Variants in ZDHHC13 observed in about 807,000 individuals in gnomAD.
The protein encoded by ZDHHC13 is palmitoyltransferase ZDHHC13.
In ZDHHC13, 85 loss-of-function variants were observed where a neutral mutation model predicts 86.0. The ratio of observed to expected loss-of-function variants is 0.99; its 90% CI spans 0.83 to 1.18. The LOEUF (loss-of-function observed/expected upper bound fraction) is 1.18. ZDHHC13 is among the 50% of genes most tolerant of loss of function. The probability of loss-of-function intolerance (pLI) is 0.00; values close to 1 mark genes in which losing one functional copy is unlikely to be tolerated. For missense variants in ZDHHC13, 711 were observed against 730.2 expected, an observed-to-expected ratio of 0.97 and a Z score of 0.30; for synonymous variants, 263 against 246.4, an observed-to-expected ratio of 1.07 and a Z score of -0.63.
intron 2 of ZDHHC13, among the ~76,000 whole-genome samples, chr11:19,145,006 G>A (rs1849421272): frequency 6.6e-6 from 1 of 152,096 alleles, no homozygotes; most frequent in Non-Finnish European, 1.5e-5. Context: ...CTACCTGGGA[G>A]GCTGAGGCAG....
At chr11:19,137,479 C>G (rs1423064028) in intron 1 of ZDHHC13, among the ~76,000 whole-genome samples, 2 of 151,688 alleles carry the variant, frequency 1.3e-5, no homozygotes, top group Non-Finnish European at 2.9e-5. Flanking sequence ...GAGACTTTAA[C>G]ACCCCACTGT....
chr11:19,134,049 T>G (rs1849069034), intron 1 of ZDHHC13, among the ~76,000 whole-genome samples: 1 of 151,618 alleles, frequency 6.6e-6, no homozygotes, highest in Non-Finnish European at 1.5e-5. Context: ...GAGGACAGTT[T>G]CAGAAAGGAA....
chr11:19,129,187 T>C (rs1848938433), intron 1 of ZDHHC13, among the ~76,000 whole-genome samples: 1 of 152,246 alleles, frequency 6.6e-6, no homozygotes, highest in Non-Finnish European at 1.5e-5. Context: ...ATGCATATGA[T>C]CATGTTTTTG....
chr11:19,152,519 T>G, intron 7 of ZDHHC13, 40 bp from the exon 8 acceptor site: 2 of 1,529,024 alleles, frequency 1.3e-6, no homozygotes, highest in Non-Finnish European at 1.8e-6. Context: ...CATAATATAT[T>G]AAAAATACTT....
At chr11:19,161,066 A>G (rs1849897691) in intron 10 of ZDHHC13, among the ~76,000 whole-genome samples, 1 of 151,948 alleles carries the variant, frequency 6.6e-6, no homozygotes, top group South Asian at 2.1e-4. Context: ...CACCATCAGA[A>G]TAATGTTCTT....
At position 19,176,370 on chromosome 11, in the gene ZDHHC13, A is replaced by G. The variant is rs1850364129; in HGVS notation, c.*410A>G. 1 of 153,076 alleles carries G rather than the reference A, an allele frequency of 6.5e-6. No individual in the cohort carries two copies. Among genetic ancestry groups the G allele is most frequent in the African/African-American group, 2.4e-5 (1 of 41,448 alleles). The allele number at this position is 153,076 out of a possible 1,614,324, so 9.5% of individuals were successfully genotyped here. ...AAATATGTAAAAAATATTTAAATAG[A>G]TGTACCTGTTTTGCTTTCACACTTA... is the stretch of plus-strand genomic sequence containing the variant. On this transcript the variant is annotated 3_prime_UTR_variant, in exon 17 of 17. Transcript: ENST00000446113.
chr11:19,175,904 TCACAGTA>T lies in ZDHHC13; in HGVS notation c.1817_1823del (p.Gln606ProfsTer37), dbSNP rs2133497084. 6.2e-7 allele frequency: 1 copy of T among 1,613,658 alleles called. No individual in the cohort carries two copies. Among genetic ancestry groups the T allele is most frequent in the East Asian group, 2.2e-5 (1 of 44,866 alleles). The stretch of plus-strand genomic sequence containing the variant: ...GAAGCCCTGTGTGGTAGATTGGACA[TCACAGTA>T]CACCATGGTCTTTCACCCAGCCAGG... On this transcript the variant is annotated frameshift_variant, in exon 17 of 17. Transcript: ENST00000446113. LOFTEE classifies it high-confidence loss of function.
At chr11:19,167,141 CT>C (rs1356420023) in intron 14 of ZDHHC13, 1 of 152,130 alleles carries the variant, frequency 6.6e-6, no homozygotes, top group Admixed American at 6.5e-5. Context: ...TTTATTTGGA[CT>C]TTAACTGTTT....
intron 16 of ZDHHC13, among the ~76,000 whole-genome samples, chr11:19,173,599 T>TA (rs1462215896): frequency 6.6e-6 from 1 of 152,182 alleles, no homozygotes; most frequent in South Asian, 2.1e-4. Flanking sequence ...GACTGGGATA[T>TA]AACTACAATG....
chr11:19,120,042 AC>A (rs1848729444), intron 1 of ZDHHC13, among the ~76,000 whole-genome samples: 1 of 152,234 alleles, frequency 6.6e-6, no homozygotes, highest in South Asian at 2.1e-4. Context: ...GCCCACTGTA[AC>A]TTTAACAATT....
intron 15 of ZDHHC13, among the ~76,000 whole-genome samples, chr11:19,172,261 C>CG (rs1270323763): frequency 2.6e-5 from 4 of 152,074 alleles, no homozygotes; most frequent in Middle Eastern, 3.4e-3. Flanking sequence ...TTAGTGGAGA[C>CG]GGGGTTTCAC....
At chr11:19,170,127 G>A (rs1850179202) in intron 14 of ZDHHC13, 1 of 1,232,108 alleles carries the variant, frequency 8.1e-7, no homozygotes. Context: ...TATATCTTAT[G>A]CTGAATGCTG....
At chr11:19,170,183 G>A in intron 14 of ZDHHC13, 3 of 1,330,760 alleles carry the variant, frequency 2.3e-6, no homozygotes, top group Non-Finnish European at 2.9e-6. Flanking sequence ...TTCCTTCACT[G>A]TTAACTACTT....
chr11:19,134,401 T>C (rs1345322382), intron 1 of ZDHHC13, among the ~76,000 whole-genome samples: 2 of 151,886 alleles, frequency 1.3e-5, no homozygotes, highest in Non-Finnish European at 2.9e-5. Flanking sequence ...TAAATATACA[T>C]GTACACGTAT....
chr11:19,175,779 G>A lies in ZDHHC13; in HGVS notation c.1731-43G>A, dbSNP rs771300421. 1.9e-6 allele frequency: 3 copies of A among 1,599,710 alleles called. No individual in the cohort carries two copies. In the Admixed American group the frequency reaches 5.2e-5, roughly 28 times the overall value. On this transcript the variant is annotated intron_variant, in intron 16 of 16. Coordinates refer to ENST00000446113, the MANE Select transcript of ZDHHC13 (RefSeq NM_019028.3). ...CCATAAATGTTTGTCAAGCTACACA[G>A]GAAATATAGTAAGACATGTTCTCTT...
chr11:19,164,385 T>C, intron 12 of ZDHHC13, 22 bp downstream of exon 12: 2 of 1,608,184 alleles, frequency 1.2e-6, no homozygotes, highest in Non-Finnish European at 1.7e-6. Flanking sequence ...CATATAATTT[T>C]TTTCCGTAGT....
chr11:19,163,302 C>T lies in ZDHHC13; in HGVS notation c.1109-1C>T, dbSNP rs1849962070. Reference sequence around the variant, plus strand: ...GGTGTATTCCTTAACTTGGCTTTAACATTTAGCAGGAGCCCCTTTCTATTT... The same window carrying T: ...GGTGTATTCCTTAACTTGGCTTTAATATTTAGCAGGAGCCCCTTTCTATTT... On this transcript the variant is annotated splice_acceptor_variant, in intron 10 of 16. Transcript: ENST00000446113. LOFTEE classifies it high-confidence loss of function. 11 of 1,577,610 alleles carry T rather than the reference C, an allele frequency of 7.0e-6. No homozygotes were observed. Among genetic ancestry groups the T allele is most frequent in the Non-Finnish European group, 9.4e-6 (11 of 1,167,820 alleles).
intron 15 of ZDHHC13, 141 bp from the exon 16 acceptor site, chr11:19,172,582 A>C: frequency 1.8e-6 from 1 of 556,248 alleles, no homozygotes. Context: ...CTTCTGATTA[A>C]CTTTTTCTTT....
chr11:19,170,026 A>G (rs1422828351), intron 14 of ZDHHC13: 1 of 1,015,876 alleles, frequency 9.8e-7, no homozygotes, highest in African/African-American at 1.7e-5. Context: ...GCTTAATAAG[A>G]GTTTATATTC....
Sources: gnomAD v4.1 joint callset for allele counts (sites outside exome capture counted in the v4.1 genomes callset) on GRCh38, gnomAD v4.1.1 for gene constraint, MANE v1.5 for transcripts, NCBI Gene and HGNC (gene_info 2026-07-23, HGNC 2026-07-21) for gene names.